The following ALKBH5 variants were observed in gnomAD, a reference collection of about 807,000 sequenced individuals.
The protein encoded by ALKBH5 is RNA demethylase ALKBH5.
Under a neutral mutation model 32.1 loss-of-function variants are expected in ALKBH5, and 2 were observed. The ratio of observed to expected loss-of-function variants is 0.06; its 90% CI spans 0.03 to 0.20. The LOEUF (loss-of-function observed/expected upper bound fraction) is 0.20. ALKBH5 is among the 10% of genes least tolerant of loss of function. The probability of loss-of-function intolerance (pLI) is 1.00; values close to 1 mark genes in which losing one functional copy is unlikely to be tolerated. For missense variants in ALKBH5, 352 were observed against 559.5 expected, an observed-to-expected ratio of 0.63 and a Z score of 3.74; for synonymous variants, 300 against 231.7, an observed-to-expected ratio of 1.29 and a Z score of -2.68.
intron 2 of ALKBH5, among the ~76,000 whole-genome samples, chr17:18,202,240 G>A (rs1320403239): frequency 1.3e-5 from 2 of 151,556 alleles, no homozygotes; most frequent in Middle Eastern, 6.4e-3. Context: ...CCCAGGAGGC[G>A]GAGGTTGCAG....
rs778512106 is a variant in ALKBH5 at position 18,208,525 on chromosome 17, A to G, written c.*129A>G. 2.3e-5 allele frequency: 26 copies of G among 1,139,590 alleles called. No individual in the cohort carries two copies. Among genetic ancestry groups the G allele is most frequent in the Non-Finnish European group, 1.3e-6 (1 of 788,732 alleles). 70.6% of individuals were successfully genotyped at this position (1,139,590 alleles called of 1,614,324 possible). On this transcript the variant is annotated 3_prime_UTR_variant, in exon 4 of 4. Coordinates refer to ENST00000399138, the MANE Select transcript of ALKBH5 (RefSeq NM_017758.4). ...TGTTTTTTGTTTTTTTTGATTCTAT[A>G]TATTTTTCCTTGGTTTTGTTGCCTG... is the stretch of plus-strand genomic sequence containing the variant.
rs1283527374 is a variant in ALKBH5, at chr17:18,184,359, C to A, written c.116C>A (p.Ala39Asp). 1 of 1,516,168 alleles carries A rather than the reference C, an allele frequency of 6.6e-7. No homozygotes were observed. The highest frequency in any genetic ancestry group is 8.8e-7 in the Non-Finnish European group (1 of 1,135,080). 93.9% of individuals were successfully genotyped at this position (1,516,168 alleles called of 1,614,324 possible). The change falls in exon 1 of 4, where the codon GCC becomes GAC. Residue 39 changes from alanine (A) to aspartate (D), a missense_variant. Physicochemically the swap from Ala to Asp is moderately radical, Grantham distance 126. Around this residue, in one of 4 missense-constraint regions of ALKBH5, gnomAD observed 144 missense variants for 125.8 expected, o/e 1.14. Transcript: ENST00000399138. ...EAAAAAAAAVAAAAAAAAAAE... is the reference protein window; with the variant it reads ...EAAAAAAAAVDAAAAAAAAAE... The stretch of plus-strand genomic sequence containing the variant: ...GCCGCCGCTGCCGCAGCCGCCGTAG[C>A]CGCCGCAGCCGCAGCCGCCGCTGCC...
intron 2 of ALKBH5, among the ~76,000 whole-genome samples, chr17:18,196,468 G>C (rs940844192): frequency 1.3e-5 from 2 of 152,164 alleles, no homozygotes; most frequent in Non-Finnish European, 2.9e-5. Context: ...TGGTTCACCT[G>C]CCTTGGCCTC....
chr17:18,196,415 TC>T (rs1247269286), intron 2 of ALKBH5, among the ~76,000 whole-genome samples: 2 of 152,264 alleles, frequency 1.3e-5, no homozygotes, highest in Non-Finnish European at 2.9e-5. Flanking sequence ...AGATGGGGTT[TC>T]CCCCATGTTG....
intron 1 of ALKBH5, among the ~76,000 whole-genome samples, chr17:18,186,367 C>T (rs2047139512): frequency 6.6e-6 from 1 of 152,178 alleles, no homozygotes. Flanking sequence ...ACACCCTCTC[C>T]GGGTGCTTGC....
rs189055249 is a variant in ALKBH5, at chr17:18,193,408, G to C, written c.771-1547G>C. ...TGAAAATAACAAAAATTAGACAGGCGTGGTGGGGTGCGCCTGTAGTCCCAG... is the reference window on the plus strand; with the variant it reads ...TGAAAATAACAAAAATTAGACAGGCCTGGTGGGGTGCGCCTGTAGTCCCAG... On this transcript the variant is annotated intron_variant, in intron 1 of 3. Coordinates refer to ENST00000399138, the MANE Select transcript of ALKBH5 (RefSeq NM_017758.4). Among the ~76,000 whole-genome samples the C allele has an allele frequency of 8.1e-4, 123 of 152,040 alleles. 1 individual carries two copies. Among genetic ancestry groups the C allele is most frequent in the African/African-American group, 2.7e-3 (114 of 41,460 alleles).
chr17:18,194,396 C>T (rs1197623878), intron 1 of ALKBH5, among the ~76,000 whole-genome samples: 1 of 152,032 alleles, frequency 6.6e-6, no homozygotes, highest in African/African-American at 2.4e-5. Flanking sequence ...TCAGGTGATC[C>T]GCCCACCTCG....
chr17:18,208,935 C>T lies in ALKBH5; in HGVS notation c.*539C>T. The T allele has an allele frequency of 4.8e-6, 1 of 206,822 alleles. No homozygotes were observed. Among genetic ancestry groups the T allele is most frequent in the Non-Finnish European group, 9.9e-6 (1 of 101,278 alleles). 12.8% of individuals were successfully genotyped at this position (206,822 alleles called of 1,614,324 possible). A position where few individuals can be genotyped will look rare whatever the true frequency, so the allele number is the denominator to read the frequency against. On this transcript the variant is annotated 3_prime_UTR_variant, in exon 4 of 4. Coordinates refer to ENST00000399138, the MANE Select transcript of ALKBH5 (RefSeq NM_017758.4). ...CTGCAAGCTCATGCAAACACCCTTT[C>T]TTCCTCCTGCGGCAGAGTTGTTCAG... is the stretch of plus-strand genomic sequence containing the variant.
chr17:18,202,416 A>G (rs1240680927), intron 2 of ALKBH5, among the ~76,000 whole-genome samples: 2 of 152,046 alleles, frequency 1.3e-5, no homozygotes, highest in African/African-American at 4.8e-5. Flanking sequence ...ACTGCAGGAG[A>G]GCCAGCAAGG....
intron 2 of ALKBH5, among the ~76,000 whole-genome samples, chr17:18,204,604 A>G (rs1208428445): frequency 6.6e-6 from 1 of 152,090 alleles, no homozygotes; most frequent in African/African-American, 2.4e-5. Flanking sequence ...TCTACTGAAA[A>G]TATAAAAATT....
chr17:18,201,785 AGGATAGATAAGAT>A (rs1567676639), intron 2 of ALKBH5, among the ~76,000 whole-genome samples: 1 of 107,682 alleles, frequency 9.3e-6, no homozygotes, highest in East Asian at 3.0e-4. Flanking sequence ...ATAGATAGAT[AGGATAGATAAGAT>A]AGATAGATAG....
chr17:18,187,171 A>G (rs1047089624), intron 1 of ALKBH5, among the ~76,000 whole-genome samples: 5 of 152,232 alleles, frequency 3.3e-5, no homozygotes, highest in South Asian at 4.1e-4. Context: ...GAAGGGGGAC[A>G]TCTTTTCCAC....
intron 1 of ALKBH5, among the ~76,000 whole-genome samples, chr17:18,192,929 G>A (rs746286728): frequency 1.2e-4 from 17 of 143,426 alleles, no homozygotes; most frequent in Admixed American, 7.6e-4. Context: ...GCACTATCTC[G>A]GCTCACGGCA....
rs186139645 is a variant in ALKBH5, at chr17:18,189,631, A to C, written c.770+4618A>C. ...AACAAAATCCAGAAAGTTTGACAGC[A>C]GACTTGGTTGGAGTTACAGCACCAC... On this transcript the variant is annotated intron_variant, in intron 1 of 3. Transcript: ENST00000399138. Among the ~76,000 whole-genome samples the C allele has an allele frequency of 1.1e-4, 16 of 152,290 alleles. No individual in the cohort carries two copies. The East Asian group carries it at 3.1e-3, about 29-fold the overall frequency.
At chr17:18,193,018 C>T (rs2047186309) in intron 1 of ALKBH5, among the ~76,000 whole-genome samples, 1 of 151,966 alleles carries the variant, frequency 6.6e-6, no homozygotes, top group Non-Finnish European at 1.5e-5. Context: ...GCCATCATGC[C>T]TGGCTTATTT....
Position 18,186,219 on chromosome 17 carries a change from C to T in ALKBH5, c.770+1206C>T, listed in dbSNP as rs554923323. 3.9e-5 allele frequency among the ~76,000 whole-genome samples: 6 copies of T among 152,332 alleles called. No individual in the cohort carries two copies. The South Asian group carries it at 8.3e-4, about 21-fold the overall frequency. ...AGTAGTAGCAGAAGCGATACTTTAG[C>T]TCTTTAGGCATCTGAAACTTAGAGG... On this transcript the variant is annotated intron_variant, in intron 1 of 3. Coordinates refer to ENST00000399138, the MANE Select transcript of ALKBH5 (RefSeq NM_017758.4).
rs572802937 is a variant in ALKBH5 at position 18,194,868 on chromosome 17, A to G, written c.771-87A>G. 4.2e-5 allele frequency: 46 copies of G among 1,107,034 alleles called. No individual in the cohort carries two copies. In the East Asian group the frequency reaches 1.1e-3, roughly 25 times the overall value. The allele number at this position is 1,107,034 out of a possible 1,614,324, so 68.6% of individuals were successfully genotyped here. ...TGGGTAGAGAGCAGCCGTAAGACCT[A>G]GGCCATGTTCCTGTCCTGTTATATC... On this transcript the variant is annotated intron_variant, in intron 1 of 3. Coordinates refer to ENST00000399138, the MANE Select transcript of ALKBH5 (RefSeq NM_017758.4).
In ALKBH5 at chr17:18,196,270, G is replaced by A. The variant is rs8066590; in HGVS notation, c.851+1235G>A. 4.3e-3 allele frequency among the ~76,000 whole-genome samples: 642 copies of A among 150,950 alleles called. 4 individuals are homozygous for A. The highest frequency in any genetic ancestry group is 0.02 in the Middle Eastern group (6 of 294). On this transcript the variant is annotated intron_variant, in intron 2 of 3. Coordinates refer to ENST00000399138, the MANE Select transcript of ALKBH5 (RefSeq NM_017758.4). ...CTCTGTCGCCTAGGCTGGAATAGGCGGGAATGCAGTGGCACCATCTCGGCT... is the reference window on the plus strand; with the variant it reads ...CTCTGTCGCCTAGGCTGGAATAGGCAGGAATGCAGTGGCACCATCTCGGCT...
chr17:18,184,307 A>G lies in ALKBH5; in HGVS notation c.64A>G (p.Asn22Asp). 2 of 1,523,686 alleles carry G rather than the reference A, an allele frequency of 1.3e-6. No individual in the cohort carries two copies. The highest frequency in any genetic ancestry group is 1.8e-6 in the Non-Finnish European group (2 of 1,138,730). The allele number at this position is 1,523,686 out of a possible 1,614,324, so 94.4% of individuals were successfully genotyped here. ...EKLKSMTSRD[N>D]YKAGSREAAA... ...GCTCAAGTCCATGACGTCCCGGGAC[A>G]ACTATAAGGCGGGCAGCCGGGAGGC... is the stretch of plus-strand genomic sequence containing the variant. Residue 22 changes from asparagine to aspartate, a missense_variant, in exon 1 of 4, where the codon AAC becomes GAC. Coordinates refer to ENST00000399138, the MANE Select transcript of ALKBH5 (RefSeq NM_017758.4).
Sources: gnomAD v4.1 joint callset for allele counts (sites outside exome capture counted in the v4.1 genomes callset) on GRCh38, gnomAD v4.1.1 for gene constraint, gnomAD v4.1.1 regional missense constraint, MANE v1.5 for transcripts, NCBI Gene and HGNC (gene_info 2026-07-23, HGNC 2026-07-21) for gene names.